The following WASHC2A variants were observed in gnomAD, a reference collection of about 807,000 sequenced individuals.
WASHC2A encodes the protein WASH complex subunit FAM21A.
A neutral mutation model predicts 140.3 loss-of-function variants in WASHC2A; 82 were observed. The observed-to-expected ratio is 0.58, with a 90% CI of 0.49 to 0.70. The LOEUF (loss-of-function observed/expected upper bound fraction) is 0.70, where lower values mean the gene tolerates loss of function less well. Among genes scored for constraint, WASHC2A ranks in the 30% least tolerant of loss-of-function variants. The probability of loss-of-function intolerance (pLI) is 0.00; values close to 1 mark genes in which losing one functional copy is unlikely to be tolerated. For synonymous variants in WASHC2A, 340 were observed against 560.8 expected, an observed-to-expected ratio of 0.61 and a Z score of 5.56; for missense variants, 985 against 1,521.8, an observed-to-expected ratio of 0.65 and a Z score of 5.87.
chr10:50,102,726 G>A (rs1287294751), intron 17 of WASHC2A, among the ~76,000 whole-genome samples: 7 of 147,600 alleles, frequency 4.7e-5, no homozygotes, highest in Admixed American at 1.3e-4. Flanking sequence ...TTAATTGTTC[G>A]GCTCTTGTGT....
In WASHC2A at chr10:50,129,539, G is replaced by C; in HGVS notation, c.3208G>C (p.Ala1070Pro). The change falls in exon 29 of 31, where the codon GCT becomes CCT. Residue 1070 changes from alanine to proline, a missense_variant. Coordinates refer to ENST00000282633, the MANE Select transcript of WASHC2A (RefSeq NM_001005751.3). Reference protein sequence around the residue: ...SVPRGPIAQWADGAISPNGHR... With the variant: ...SVPRGPIAQWPDGAISPNGHR... ...CCCCAGAGGACCCATTGCACAGTGG[G>C]CTGATGGCGCCATTTCCCCAAATGG... is the stretch of plus-strand genomic sequence containing the variant. The C allele has an allele frequency of 6.2e-7, 1 of 1,612,058 alleles. No homozygotes were observed. The highest frequency in any genetic ancestry group is 8.5e-7 in the Non-Finnish European group (1 of 1,179,866).
intron 17 of WASHC2A, among the ~76,000 whole-genome samples, chr10:50,101,253 AT>A (rs1841130335): frequency 6.7e-6 from 1 of 149,138 alleles, no homozygotes; most frequent in Admixed American, 6.6e-5. Flanking sequence ...CATGGATCCC[AT>A]GTGTCACCCA....
intron 3 of WASHC2A, among the ~76,000 whole-genome samples, chr10:50,074,747 T>C (rs1554877222): frequency 6.6e-6 from 1 of 151,964 alleles, no homozygotes; most frequent in East Asian, 1.9e-4. Context: ...GCTCCGTCTT[T>C]ACTAAAAAAT....
In WASHC2A at chr10:50,129,940, A is replaced by T; in HGVS notation, c.3609A>T (p.Glu1203Asp). The T allele has an allele frequency of 3.1e-6, 5 of 1,612,028 alleles. No homozygotes were observed. Among genetic ancestry groups the T allele is most frequent in the South Asian group, 2.2e-5 (2 of 90,982 alleles). ...AAACAAATCCCTTTCCTCTCCTGGA[A>T]GATGAGGATGACCTCTTTACAGATC... ...AKKTNPFPLLEDEDDLFTDQK... is the reference protein window; with the variant it reads ...AKKTNPFPLLDDEDDLFTDQK... Residue 1203 changes from glutamate to aspartate, a missense_variant, in exon 29 of 31, where the codon GAA (glutamate) becomes GAT (aspartate). By Grantham distance (45) the Glu-to-Asp change is conservative. Coordinates refer to ENST00000282633, the MANE Select transcript of WASHC2A (RefSeq NM_001005751.3).
intron 15 of WASHC2A, among the ~76,000 whole-genome samples, chr10:50,097,395 GCCAGT>G (rs1158848933): frequency 6.6e-6 from 1 of 150,786 alleles, no homozygotes; most frequent in Non-Finnish European, 1.5e-5. Context: ...CACCTTGTAA[GCCAGT>G]CCAAGCTACT....
At position 50,095,209 on chromosome 10, in the gene WASHC2A, T is replaced by C; in HGVS notation, c.1240+2T>C. On this transcript the variant is annotated splice_donor_variant, in intron 14 of 30. Coordinates refer to ENST00000282633, the MANE Select transcript of WASHC2A (RefSeq NM_001005751.3). LOFTEE classifies it high-confidence loss of function. ...CAGGAGCTGTTTCTGTATTTTTAGGTAACATAACTTAGGTTTGTTTTCTAA... is the reference window on the plus strand; with the variant it reads ...CAGGAGCTGTTTCTGTATTTTTAGGCAACATAACTTAGGTTTGTTTTCTAA... 6.4e-7 allele frequency: 1 copy of C among 1,570,218 alleles called. No individual in the cohort carries two copies.
rs1448923694 is a variant in WASHC2A at position 50,114,217 on chromosome 10, C to T, written c.2142+220C>T. On this transcript the variant is annotated intron_variant, in intron 21 of 30. Transcript: ENST00000282633. ...CAGTGTCAGGTGTAGGAACAAGGAA[C>T]TGGGTCTCAGAAGAGGCTTGGGCCC... 7.4e-5 allele frequency among the ~76,000 whole-genome samples: 7 copies of T among 94,820 alleles called. 2 individuals are homozygous for T. The highest frequency in any genetic ancestry group is 2.9e-4 in the African/African-American group (7 of 24,010). 62.2% of individuals were successfully genotyped at this position (94,820 alleles called of 152,430 possible).
chr10:50,105,897 C>T (rs1161627356), intron 18 of WASHC2A, among the ~76,000 whole-genome samples: 2 of 150,112 alleles, frequency 1.3e-5, no homozygotes, highest in East Asian at 2.0e-4. Context: ...TGGAGACAGA[C>T]CCCCAGTTCT....
chr10:50,099,912 C>T (rs1476828447), intron 16 of WASHC2A, 66 bp from the exon 17 acceptor site: 43 of 1,329,724 alleles, frequency 3.2e-5, no homozygotes, highest in Middle Eastern at 2.2e-4. Context: ...GGGTATCTTA[C>T]GTGTTAATGC....
Position 50,104,518 on chromosome 10 carries a change from G to A in WASHC2A, c.1737+375G>A, listed in dbSNP as rs536783771. ...ACTACAGGCGTGCACCACCACTCCCGGCTAATTTTTGTATTGTTAATAGAG... is the reference window on the plus strand; with the variant it reads ...ACTACAGGCGTGCACCACCACTCCCAGCTAATTTTTGTATTGTTAATAGAG... On this transcript the variant is annotated intron_variant, in intron 18 of 30. Coordinates refer to ENST00000282633, the MANE Select transcript of WASHC2A (RefSeq NM_001005751.3). Among the ~76,000 whole-genome samples the A allele has an allele frequency of 4.5e-4, 69 of 151,892 alleles. No individual in the cohort carries two copies. In the East Asian group the frequency reaches 0.013, roughly 28 times the overall value.
At chr10:50,103,347 C>T (rs1344092589) in intron 17 of WASHC2A, among the ~76,000 whole-genome samples, 1 of 151,726 alleles carries the variant, frequency 6.6e-6, no homozygotes, top group Non-Finnish European at 1.5e-5. Flanking sequence ...ATCACAAGGT[C>T]AGGAGATCGA....
intron 25 of WASHC2A, among the ~76,000 whole-genome samples, chr10:50,125,844 A>G (rs1174056530): frequency 1.3e-5 from 2 of 152,062 alleles, no homozygotes; most frequent in Non-Finnish European, 2.9e-5. Flanking sequence ...GGTTTTTGTA[A>G]GTACTCTGTT....
At chr10:50,095,834 A>C in intron 15 of WASHC2A, 56 bp downstream of exon 15, 1 of 1,552,332 alleles carries the variant, frequency 6.4e-7, no homozygotes, top group South Asian at 1.2e-5. Flanking sequence ...ACGTTGCCTA[A>C]AAAGAACATA....
chr10:50,091,472 C>T lies in WASHC2A; in HGVS notation c.885C>T (p.Ala295=). 3 of 1,550,720 alleles carry T rather than the reference C, an allele frequency of 1.9e-6. No homozygotes were observed. The highest frequency in any genetic ancestry group is 2.6e-6 in the Non-Finnish European group (3 of 1,147,266). ...RPTSFADELA[A]RIKGDAVGRV... ...CATCGTTTGCAGATGAGCTGGCTGC[C>T]CGCATCAAGGGGGATGCCGTGGGTC... The change falls in exon 10 of 31, where the codon GCC becomes GCT. Residue 295 remains alanine (A), a synonymous_variant. Coordinates refer to ENST00000282633, the MANE Select transcript of WASHC2A (RefSeq NM_001005751.3).
intron 30 of WASHC2A, 73 bp from the exon 31 acceptor site, chr10:50,132,733 T>C (rs1844091045): frequency 3.7e-6 from 6 of 1,612,016 alleles, no homozygotes; most frequent in Non-Finnish European, 5.1e-6. Context: ...CTTTGGTGGT[T>C]TGCTTGCATG....
chr10:50,109,166 G>A (rs1302348776), intron 19 of WASHC2A, among the ~76,000 whole-genome samples: 2 of 152,146 alleles, frequency 1.3e-5, no homozygotes, highest in Non-Finnish European at 2.9e-5. Flanking sequence ...GCTGGCTTGT[G>A]GACTCCAGTT....
chr10:50,077,632 A>C (rs2805129), intron 3 of WASHC2A, among the ~76,000 whole-genome samples: 25,258 of 152,018 alleles, frequency 0.17, 2,211 homozygotes, highest in Middle Eastern at 0.24. Flanking sequence ...CAGTTCATTT[A>C]TATTGACTTC....
intron 3 of WASHC2A, among the ~76,000 whole-genome samples, chr10:50,071,376 G>A (rs1837791712): frequency 6.6e-6 from 1 of 150,560 alleles, no homozygotes; most frequent in Non-Finnish European, 1.5e-5. Context: ...TGCGATCTCC[G>A]CTCACTGCAA....
intron 3 of WASHC2A, among the ~76,000 whole-genome samples, chr10:50,070,143 C>T (rs71508041): frequency 6.6e-6 from 1 of 152,170 alleles, no homozygotes; most frequent in Non-Finnish European, 1.5e-5. Flanking sequence ...GCTTGCAATA[C>T]TCTCAACTAA....
Sources: gnomAD v4.1 joint callset for allele counts (sites outside exome capture counted in the v4.1 genomes callset) on GRCh38, gnomAD v4.1.1 for gene constraint, MANE v1.5 for transcripts, NCBI Gene and HGNC (gene_info 2026-07-23, HGNC 2026-07-21) for gene names.